The following NEK4 variants were observed in gnomAD, a reference collection of about 807,000 sequenced individuals.
NEK4 encodes the protein NIMA related kinase 4, also known as serine/threonine-protein kinase Nek4.
In NEK4, 86 loss-of-function variants were observed where a neutral mutation model predicts 98.4. The observed-to-expected ratio is 0.87, with a 90% confidence interval of 0.73 to 1.05. The LOEUF is 1.05. NEK4 is among the 50% of genes least tolerant of loss of function. The pLI, the probability that NEK4 is intolerant of heterozygous loss-of-function variation, is 0.00. For missense variants in NEK4, 898 were observed against 950.3 expected, an observed-to-expected ratio of 0.94 and a Z score of 0.72; for synonymous variants, 328 against 342.2, an observed-to-expected ratio of 0.96 and a Z score of 0.46.
chr3:52,752,929 T>TACACACACACACACACACACAC (rs1215610708), intron 6 of NEK4, among the ~76,000 whole-genome samples: 39 of 49,682 alleles, frequency 7.8e-4, no homozygotes, highest in African/African-American at 2.2e-3. Flanking sequence ...TATATATATA[T>TACACACACACACACACACACAC]ATATACACAC....
At chr3:52,743,214 T>C in intron 12 of NEK4, 138 bp downstream of exon 12, 1 of 678,536 alleles carries the variant, frequency 1.5e-6, no homozygotes, top group African/African-American at 1.8e-5. Flanking sequence ...TACCAGTTCC[T>C]TTCTTTATCA....
chr3:52,737,109 A>G (rs1016545651), intron 15 of NEK4, among the ~76,000 whole-genome samples: 3 of 151,936 alleles, frequency 2.0e-5, no homozygotes, highest in Non-Finnish European at 2.9e-5. Flanking sequence ...GCTAATTTTT[A>G]TATTTTTAGT....
intron 6 of NEK4, chr3:52,753,437 C>A (rs910377533): frequency 2.7e-6 from 1 of 371,142 alleles, no homozygotes; most frequent in South Asian, 2.1e-5. Flanking sequence ...AGAGGTGAGG[C>A]ACAATGCCCG....
At chr3:52,727,584 C>T (rs1251004179) in intron 15 of NEK4, among the ~76,000 whole-genome samples, 2 of 152,042 alleles carry the variant, frequency 1.3e-5, no homozygotes, top group Admixed American at 6.6e-5. Flanking sequence ...CAAGCAATTC[C>T]GCCTCAGCCT....
chr3:52,745,915 G>T, intron 10 of NEK4, 146 bp downstream of exon 10: 2 of 710,836 alleles, frequency 2.8e-6, no homozygotes, highest in Non-Finnish European at 4.7e-6. Flanking sequence ...TAGAGACAAG[G>T]TCTCACTATA....
At chr3:52,741,932 G>GC (rs529868258) in intron 12 of NEK4, among the ~76,000 whole-genome samples, 7 of 151,770 alleles carry the variant, frequency 4.6e-5, no homozygotes, top group Non-Finnish European at 8.8e-5. Flanking sequence ...GGCACGTGCC[G>GC]CAACGCCCAG....
chr3:52,731,620 T>A (rs1475000795), intron 15 of NEK4, among the ~76,000 whole-genome samples: 1 of 152,202 alleles, frequency 6.6e-6, no homozygotes, highest in Non-Finnish European at 1.5e-5. Flanking sequence ...CTTTACTTCA[T>A]CATGCCATAC....
chr3:52,763,355 T>C lies in NEK4; in HGVS notation c.821+115A>G, dbSNP rs1437774682. 6.2e-6 allele frequency: 7 copies of C among 1,126,132 alleles called. No homozygotes were observed. The East Asian group carries it at 1.7e-4, about 27-fold the overall frequency. 69.8% of individuals were successfully genotyped at this position (1,126,132 alleles called of 1,614,324 possible). ...TCCTCTACATATGTAATCATGCCATTTTATTTCTTGTTTTTAAGAAAACTC... is the reference window on the plus strand; with the variant it reads ...TCCTCTACATATGTAATCATGCCATCTTATTTCTTGTTTTTAAGAAAACTC... On this transcript the variant is annotated intron_variant, in intron 5 of 15. Coordinates refer to ENST00000233027, the MANE Select transcript of NEK4 (RefSeq NM_003157.6).
chr3:52,726,194 T>C (rs533243593), intron 15 of NEK4, among the ~76,000 whole-genome samples: 17 of 152,306 alleles, frequency 1.1e-4, no homozygotes, highest in African/African-American at 2.4e-4. Context: ...AATGAGGATA[T>C]TGATGGTTTG....
At chr3:52,766,057 TA>T in intron 3 of NEK4, 63 bp from the exon 4 acceptor site, 1 of 1,463,082 alleles carries the variant, frequency 6.8e-7, no homozygotes, top group Non-Finnish European at 9.4e-7. Flanking sequence ...TTTTTCCCTT[TA>T]AAAAAAGAAA....
At chr3:52,725,840 A>G (rs2097364038) in intron 15 of NEK4, among the ~76,000 whole-genome samples, 1 of 152,156 alleles carries the variant, frequency 6.6e-6, no homozygotes, top group South Asian at 2.1e-4. Context: ...TACAGAACAT[A>G]AATTAGTAAA....
At chr3:52,730,329 T>C (rs1417154974) in intron 15 of NEK4, among the ~76,000 whole-genome samples, 3 of 152,190 alleles carry the variant, frequency 2.0e-5, no homozygotes, top group Admixed American at 6.5e-5. Flanking sequence ...CTAGACCTGA[T>C]GGCTTTGCTG....
chr3:52,721,522 G>A (rs954120836), intron 15 of NEK4, among the ~76,000 whole-genome samples: 5 of 152,050 alleles, frequency 3.3e-5, no homozygotes, highest in Admixed American at 6.5e-5. Flanking sequence ...GAGCCCAGGA[G>A]TTCAAGACCC....
chr3:52,728,074 A>C (rs1483787209), intron 15 of NEK4, among the ~76,000 whole-genome samples: 1 of 152,154 alleles, frequency 6.6e-6, no homozygotes, highest in Admixed American at 6.6e-5. Context: ...TTCTACAAAA[A>C]ATTTAAAAAA....
intron 15 of NEK4, among the ~76,000 whole-genome samples, chr3:52,718,704 C>T (rs1177350010): frequency 2.6e-5 from 4 of 152,152 alleles, no homozygotes; most frequent in Non-Finnish European, 5.9e-5. Context: ...AGCTAGCACG[C>T]AGACCCCTAC....
At chr3:52,721,861 C>T (rs1578623440) in intron 15 of NEK4, among the ~76,000 whole-genome samples, 1 of 152,084 alleles carries the variant, frequency 6.6e-6, no homozygotes, top group South Asian at 2.1e-4. Flanking sequence ...TGTGACTAAT[C>T]CCTGGTGATA....
chr3:52,744,556 T>C (rs45556336), intron 10 of NEK4, among the ~76,000 whole-genome samples: 9,071 of 151,684 alleles, frequency 0.06, 361 homozygotes, highest in Non-Finnish European at 0.085. Context: ...TGGTGGTGCG[T>C]GCCTGTAATC....
intron 15 of NEK4, among the ~76,000 whole-genome samples, chr3:52,718,898 T>C (rs191077592): frequency 6.6e-6 from 1 of 152,270 alleles, no homozygotes; most frequent in Non-Finnish European, 1.5e-5. Flanking sequence ...GCTGGGATAA[T>C]AGGCATGCCC....
chr3:52,744,541 G>A (rs779497100), intron 10 of NEK4, among the ~76,000 whole-genome samples: 11 of 151,842 alleles, frequency 7.2e-5, no homozygotes, highest in East Asian at 1.9e-4. Context: ...AAAATTAGCC[G>A]AGCATGGTGG....
Sources: allele counts gnomAD v4.1 joint callset (sites outside exome capture counted in the v4.1 genomes callset), GRCh38; gene constraint gnomAD v4.1.1; transcripts MANE v1.5; gene names NCBI Gene and HGNC (gene_info 2026-07-23, HGNC 2026-07-21).